Variants in TENM3 observed in about 807,000 individuals in gnomAD.
TENM3 encodes the protein teneurin transmembrane protein 3, also known as teneurin-3.
Under a neutral mutation model 255.1 loss-of-function variants are expected in TENM3, and 63 were observed. That is an observed-to-expected ratio of 0.25 (90% CI 0.20 to 0.30). The LOEUF is 0.30. Ranked by LOEUF, TENM3 falls within the 10% of genes least tolerant of loss-of-function variation. TENM3 has a pLI of 1.00. For synonymous variants in TENM3, 1,306 were observed against 1,322.3 expected, an observed-to-expected ratio of 0.99 and a Z score of 0.27; for missense variants, 2,929 against 3,461.1, an observed-to-expected ratio of 0.85 and a Z score of 3.86.
intron 3 of TENM3, among the ~76,000 whole-genome samples, chr4:182,429,578 A>G (rs1771476019): frequency 6.6e-6 from 1 of 152,234 alleles, no homozygotes; most frequent in Non-Finnish European, 1.5e-5. Context: ...TGACATTTCC[A>G]TTAATGCCAA....
At chr4:182,030,771 T>C in the TENM3 span, among the ~76,000 whole-genome samples, 1 of 152,212 alleles carries the variant, frequency 6.6e-6, no homozygotes, top group African/African-American at 2.4e-5. Flanking sequence ...TGCTATCTCA[T>C]TGTGGTTTTG....
At chr4:182,467,187 G>A (rs1315304688) in intron 3 of TENM3, among the ~76,000 whole-genome samples, 2 of 152,108 alleles carry the variant, frequency 1.3e-5, no homozygotes, top group Non-Finnish European at 2.9e-5. Flanking sequence ...GGTAAATTAA[G>A]CATCTTAGAG....
At chr4:181,480,449 T>C in the TENM3 span, among the ~76,000 whole-genome samples, 1 of 152,146 alleles carries the variant, frequency 6.6e-6, no homozygotes, top group Non-Finnish European at 1.5e-5. Context: ...CAACGTTTGA[T>C]GTTAACCAAA....
chr4:181,764,345 T>C, the TENM3 span, among the ~76,000 whole-genome samples: 5 of 152,160 alleles, frequency 3.3e-5, no homozygotes, highest in Non-Finnish European at 5.9e-5. Flanking sequence ...TTTACCTGCT[T>C]CCACTCCACT....
the TENM3 span, among the ~76,000 whole-genome samples, chr4:182,061,027 G>A: frequency 2.0e-5 from 3 of 152,170 alleles, no homozygotes; most frequent in Non-Finnish European, 4.4e-5. Context: ...TCTGTCAGGT[G>A]AAATTCACCA....
chr4:181,816,008 A>C, the TENM3 span, among the ~76,000 whole-genome samples: 13 of 152,212 alleles, frequency 8.5e-5, no homozygotes, highest in Admixed American at 3.3e-4. Context: ...AAATTTGTTC[A>C]TTCATATCTT....
At chr4:182,255,042 C>T (rs921189563) in intron 1 of TENM3, among the ~76,000 whole-genome samples, 2 of 152,112 alleles carry the variant, frequency 1.3e-5, no homozygotes, top group South Asian at 2.1e-4. Context: ...CTGGTACTTT[C>T]GGAAAATATC....
intron 12 of TENM3, among the ~76,000 whole-genome samples, chr4:182,709,046 A>G (rs1030289357): frequency 2.6e-5 from 4 of 151,952 alleles, no homozygotes; most frequent in Admixed American, 6.6e-5. Context: ...GCAGTAGTGC[A>G]ATCTCACCTC....
intron 1 of TENM3, among the ~76,000 whole-genome samples, chr4:182,300,015 A>T (rs1761756911): frequency 1.3e-5 from 2 of 151,628 alleles, no homozygotes; most frequent in South Asian, 4.2e-4. Context: ...TCCTGGGTTC[A>T]AGCGATTCTC....
chr4:182,716,338 G>A (rs1222141769), intron 13 of TENM3, among the ~76,000 whole-genome samples: 1 of 152,118 alleles, frequency 6.6e-6, no homozygotes, highest in Non-Finnish European at 1.5e-5. Context: ...CAGCTAAAGA[G>A]GTTTTTCCTT....
the TENM3 span, among the ~76,000 whole-genome samples, chr4:181,606,050 C>T: frequency 3.3e-5 from 5 of 152,236 alleles, no homozygotes; most frequent in South Asian, 1.0e-3. Flanking sequence ...AGTACCCATC[C>T]AGATGCTCCA....
chr4:182,735,568 A>G (rs1301313577), intron 16 of TENM3, among the ~76,000 whole-genome samples: 5 of 152,214 alleles, frequency 3.3e-5, no homozygotes, highest in African/African-American at 1.2e-4. Flanking sequence ...TCTTTCCAAC[A>G]TGAAAAGGCA....
intron 3 of TENM3, among the ~76,000 whole-genome samples, chr4:182,384,403 T>C (rs1767769068): frequency 6.6e-6 from 1 of 151,836 alleles, no homozygotes; most frequent in African/African-American, 2.4e-5. Flanking sequence ...TAGGTGTCAC[T>C]GAGGAGTTTT....
At chr4:181,810,365 C>T in the TENM3 span, among the ~76,000 whole-genome samples, 2 of 152,250 alleles carry the variant, frequency 1.3e-5, no homozygotes, top group South Asian at 4.1e-4. Context: ...AGCAAATTAT[C>T]TGAAACATCT....
Position 182,584,932 on chromosome 4 carries a change from G to A in TENM3, c.512-15992G>A, listed in dbSNP as rs372053610. ...GCAGGGATTACAGGCGTGAGCCACCGTGCCCAGCTGTATATTTGCCTTTAT... is the reference window on the plus strand; with the variant it reads ...GCAGGGATTACAGGCGTGAGCCACCATGCCCAGCTGTATATTTGCCTTTAT... On this transcript the variant is annotated intron_variant, in intron 3 of 27. Coordinates refer to ENST00000511685, the MANE Select transcript of TENM3 (RefSeq NM_001080477.4). Among the ~76,000 whole-genome samples the A allele has an allele frequency of 2.1e-4, 32 of 152,194 alleles. No homozygotes were observed. In the East Asian group the frequency reaches 5.0e-3, roughly 24 times the overall value.
chr4:182,576,416 A>G (rs1225057225), intron 3 of TENM3, among the ~76,000 whole-genome samples: 2 of 152,210 alleles, frequency 1.3e-5, no homozygotes, highest in African/African-American at 4.8e-5. Flanking sequence ...AAAAAAATAA[A>G]TTTTCCAGTA....
chr4:182,227,637 C>CTT (rs531262242), intron 1 of TENM3, among the ~76,000 whole-genome samples: 1,334 of 127,234 alleles, frequency 0.01, 6 homozygotes, highest in Non-Finnish European at 0.016. Flanking sequence ...ATGTGCAGGG[C>CTT]TTTTTTTTTT....
In TENM3 at chr4:182,793,251, A is replaced by C; in HGVS notation, c.6579A>C (p.Glu2193Asp). ...GTGATGTTCAATATCGGTTGGATGAAGATGGTTTCCTACGTCAAAGGGGCA... is the reference window on the plus strand; with the variant it reads ...GTGATGTTCAATATCGGTTGGATGACGATGGTTTCCTACGTCAAAGGGGCA... ...RLGDVQYRLD[E>D]DGFLRQRGTE... Residue 2193 changes from glutamate to aspartate, a missense_variant, in exon 26 of 28, where the codon GAA (glutamate) becomes GAC (aspartate). Glu to Asp is a conservative substitution (Grantham distance 45). Transcript: ENST00000511685. The surrounding 1 kb of genome is among the most constrained non-coding windows in gnomAD (Gnocchi z 5.7). The C allele has an allele frequency of 6.2e-7, 1 of 1,613,926 alleles. No individual in the cohort carries two copies. The highest frequency in any genetic ancestry group is 8.5e-7 in the Non-Finnish European group (1 of 1,179,820).
At chr4:182,140,162 G>C (rs1749293903), upstream of TENM3, among the ~76,000 whole-genome samples, 1 of 152,168 alleles carries the variant, frequency 6.6e-6, no homozygotes, top group Non-Finnish European at 1.5e-5. Flanking sequence ...TAAAATTTAA[G>C]TTTTAGTGTT....
Sources: allele counts gnomAD v4.1 joint callset (sites outside exome capture counted in the v4.1 genomes callset), GRCh38; gene constraint gnomAD v4.1.1; non-coding constraint Gnocchi (gnomAD v3.1); transcripts MANE v1.5; gene names NCBI Gene and HGNC (gene_info 2026-07-23, HGNC 2026-07-21).